SREBF2: variants seen among roughly 807,000 people sequenced by gnomAD.
The protein encoded by SREBF2 is sterol regulatory element binding transcription factor 2.
A neutral mutation model predicts 113.1 loss-of-function variants in SREBF2; 55 were observed. The ratio of observed to expected loss-of-function variants is 0.49; its 90% CI spans 0.39 to 0.61. The LOEUF is 0.61. Among genes scored for constraint, SREBF2 ranks in the 20% least tolerant of loss-of-function variants. SREBF2 has a pLI of 0.00. For synonymous variants in SREBF2, 593 were observed against 605.7 expected (o/e 0.98, Z 0.31); for missense variants, 1,349 against 1,487.4 (o/e 0.91, Z 1.53).
chr22:41,837,950 AGC>A (rs1411338515), intron 1 of SREBF2, among the ~76,000 whole-genome samples: 2 of 152,272 alleles, frequency 1.3e-5, no homozygotes, highest in African/African-American at 2.4e-5. Context: ...CACCCAATAA[AGC>A]ATGTGTGCTA....
Position 41,833,250 on chromosome 22 carries a change from G to A in SREBF2, c.-21G>A, listed in dbSNP as rs773214831. 6.6e-6 allele frequency: 10 copies of A among 1,514,710 alleles called. No homozygotes were observed. Among genetic ancestry groups the A allele is most frequent in the Middle Eastern group, 3.4e-4 (2 of 5,838 alleles). 93.8% of individuals were successfully genotyped at this position (1,514,710 alleles called of 1,614,324 possible). A position where few individuals can be genotyped will look rare whatever the true frequency, so the allele number is the denominator to read the frequency against. On this transcript the variant is annotated 5_prime_UTR_variant, in exon 1 of 19. Transcript: ENST00000361204. This position sits in a 1 kb window ranked among gnomAD's most constrained non-coding sequence, Gnocchi z 4.1. ...CTCCCTGAGCGGGACGGCAGGGGGG[G>A]CTTCTGCGCTGAGCCGGGCGATGGA...
chr22:41,900,970 T>C (rs779283843), intron 16 of SREBF2: 1 of 533,468 alleles, frequency 1.9e-6, no homozygotes, highest in Admixed American at 1.9e-5. Context: ...TTGCATTGCA[T>C]GTTCTGGTGG....
rs1033324428 is a variant in SREBF2, at chr22:41,853,678, G to GA, written c.89-13153_89-13152insA. 3.3e-5 allele frequency among the ~76,000 whole-genome samples: 5 copies of GA among 152,176 alleles called. 1 individual carries two copies. Among genetic ancestry groups the GA allele is most frequent in the Non-Finnish European group, 7.3e-5 (5 of 68,030 alleles). On this transcript the variant is annotated intron_variant, in intron 1 of 18. Coordinates refer to ENST00000361204, the MANE Select transcript of SREBF2 (RefSeq NM_004599.4). ...AGATCTGTCCAGATTTTCCAGGCTAGTCTAACTTTTAAAAATATCTTATTC... is the reference window on the plus strand; with the variant it reads ...AGATCTGTCCAGATTTTCCAGGCTAGATCTAACTTTTAAAAATATCTTATTC...
intron 1 of SREBF2, among the ~76,000 whole-genome samples, chr22:41,859,169 T>C (rs1230289439): frequency 1.3e-5 from 2 of 150,096 alleles, no homozygotes; most frequent in Non-Finnish European, 3.0e-5. Context: ...AGTCACACAG[T>C]TTTATAGACC....
At chr22:41,846,956 C>T (rs2076882364) in intron 1 of SREBF2, among the ~76,000 whole-genome samples, 1 of 152,202 alleles carries the variant, frequency 6.6e-6, no homozygotes. Flanking sequence ...AGTCTTTGCC[C>T]TGTGCGGAGT....
At chr22:41,890,334 A>G (rs560186322) in intron 11 of SREBF2, among the ~76,000 whole-genome samples, 1 of 152,314 alleles carries the variant, frequency 6.6e-6, no homozygotes, top group Non-Finnish European at 1.5e-5. Flanking sequence ...TGCTCTCCCC[A>G]TCTAGTCACT....
In SREBF2 at chr22:41,877,346, C is replaced by A; in HGVS notation, c.1504C>A (p.Gln502Lys). ...CTTTAACCCCCTGACTTCCCTGCTG[C>A]AGTGGGGAGGGGCCCACGACTCTGA... ...LSFNPLTSLL[Q>K]WGGAHDSDQH... The change falls in exon 8 of 19, where the codon CAG becomes AAG. Residue 502 changes from glutamine (Q) to lysine (K), a missense_variant. This residue lies in a region of SREBF2 where 699 missense variants were observed against 843.3 expected (regional missense o/e 0.83). Coordinates refer to ENST00000361204, the MANE Select transcript of SREBF2 (RefSeq NM_004599.4). 1.9e-6 allele frequency: 3 copies of A among 1,614,158 alleles called. No individual in the cohort carries two copies. In the South Asian group the frequency reaches 3.3e-5, roughly 18 times the overall value.
At chr22:41,874,053 A>AC in intron 5 of SREBF2, 34 bp downstream of exon 5, 1 of 1,611,394 alleles carries the variant, frequency 6.2e-7, no homozygotes, top group Non-Finnish European at 8.5e-7. Flanking sequence ...TTTATGTTCC[A>AC]CCATCTCCCC....
At chr22:41,878,284 A>G (rs1364217055) in intron 9 of SREBF2, among the ~76,000 whole-genome samples, 161 bp downstream of exon 9, 3 of 152,212 alleles carry the variant, frequency 2.0e-5, no homozygotes, top group Non-Finnish European at 4.4e-5. Flanking sequence ...CTCTGCATAG[A>G]TAATTAATTC....
At chr22:41,867,636 C>T (rs1465471882) in intron 2 of SREBF2, among the ~76,000 whole-genome samples, 1 of 152,156 alleles carries the variant, frequency 6.6e-6, no homozygotes, top group Admixed American at 6.5e-5. Flanking sequence ...GAAACCCCAT[C>T]TCTACTAAAA....
intron 1 of SREBF2, among the ~76,000 whole-genome samples, chr22:41,840,084 A>G (rs2076814733): frequency 6.8e-6 from 1 of 147,986 alleles, no homozygotes; most frequent in South Asian, 2.1e-4. Flanking sequence ...TCAGCCTCCC[A>G]AGTAGCTGGG....
chr22:41,890,955 C>G (rs1460812633), intron 11 of SREBF2, among the ~76,000 whole-genome samples: 3 of 151,950 alleles, frequency 2.0e-5, no homozygotes, highest in Non-Finnish European at 2.9e-5. Flanking sequence ...TACATTTTTA[C>G]TTAGTGATTT....
chr22:41,844,831 C>T (rs2076862392), intron 1 of SREBF2, among the ~76,000 whole-genome samples: 2 of 152,182 alleles, frequency 1.3e-5, no homozygotes, highest in African/African-American at 4.8e-5. Flanking sequence ...CATGCTTCTT[C>T]CCAAGTGCTA....
At chr22:41,884,131 G>C (rs5751174) in intron 10 of SREBF2, among the ~76,000 whole-genome samples, 4 of 151,136 alleles carry the variant, frequency 2.6e-5, no homozygotes, top group African/African-American at 9.8e-5. Context: ...TTGTGAAGGC[G>C]GGTTTTTTTT....
chr22:41,883,437 A>G (rs2077268794), intron 10 of SREBF2, among the ~76,000 whole-genome samples: 1 of 152,114 alleles, frequency 6.6e-6, no homozygotes, highest in Admixed American at 6.5e-5. Flanking sequence ...CTATCTGCAA[A>G]TTTGCCCCGC....
At chr22:41,852,427 G>T (rs1414476588) in intron 1 of SREBF2, among the ~76,000 whole-genome samples, 3 of 152,124 alleles carry the variant, frequency 2.0e-5, no homozygotes, top group Non-Finnish European at 2.9e-5. Flanking sequence ...TCTCCATTCA[G>T]TTTGGCCTTG....
intron 1 of SREBF2, among the ~76,000 whole-genome samples, chr22:41,842,122 A>G (rs1190224783): frequency 6.6e-6 from 1 of 152,202 alleles, no homozygotes; most frequent in Non-Finnish European, 1.5e-5. Context: ...CAACTTGGAA[A>G]TATTTTTATT....
intron 1 of SREBF2, among the ~76,000 whole-genome samples, chr22:41,864,127 C>T (rs959234745): frequency 2.0e-5 from 3 of 148,752 alleles, no homozygotes; most frequent in Non-Finnish European, 4.4e-5. Flanking sequence ...GATCCACCTG[C>T]CTTGGCCTCC....
chr22:41,869,910 G>A (rs560061268), intron 3 of SREBF2, among the ~76,000 whole-genome samples: 1 of 150,948 alleles, frequency 6.6e-6, no homozygotes, highest in East Asian at 2.0e-4. Context: ...CTGGAGTGCA[G>A]TGGCACGATC....
Sources: gnomAD v4.1 joint callset for allele counts (sites outside exome capture counted in the v4.1 genomes callset) on GRCh38, gnomAD v4.1.1 for gene constraint, gnomAD v4.1.1 regional missense constraint, Gnocchi (gnomAD v3.1) non-coding constraint, MANE v1.5 for transcripts, NCBI Gene and HGNC (gene_info 2026-07-23, HGNC 2026-07-21) for gene names.